KCNG2: variants seen among roughly 807,000 people sequenced by gnomAD.
The protein encoded by KCNG2 is potassium voltage-gated channel modifier subfamily G member 2.
In KCNG2, 7 loss-of-function variants were observed where a neutral mutation model predicts 12.3. The observed-to-expected ratio is 0.57, with a 90% CI of 0.32 to 1.07. The LOEUF (loss-of-function observed/expected upper bound fraction) is 1.07, where lower values mean the gene tolerates loss of function less well. Ranked by LOEUF, KCNG2 falls within the 50% of genes least tolerant of loss-of-function variation. The pLI, the probability that KCNG2 is intolerant of heterozygous loss-of-function variation, is 0.04. For synonymous variants in KCNG2, 414 were observed against 351.4 expected, an observed-to-expected ratio of 1.18 and a Z score of -1.99; for missense variants, 703 against 726.0, an observed-to-expected ratio of 0.97 and a Z score of 0.36.
chr18:79,801,678 A>C lies in KCNG2; in HGVS notation c.-115+3664A>C, dbSNP rs577916266. The stretch of plus-strand genomic sequence containing the variant: ...GCCCAGTGTAGCTTCAGAAACCTTC[A>C]GGCTGATCTGAATGTGGCAGCAGTT... On this transcript the variant is annotated intron_variant, in intron 1 of 3. Transcript: ENST00000316249. 1.0e-4 allele frequency among the ~76,000 whole-genome samples: 16 copies of C among 152,390 alleles called. No individual in the cohort carries two copies. The South Asian group carries it at 3.3e-3, about 32-fold the overall frequency.
chr18:79,850,538 C>T (rs1978781425), intron 1 of KCNG2, among the ~76,000 whole-genome samples: 1 of 152,202 alleles, frequency 6.6e-6, no homozygotes, highest in Non-Finnish European at 1.5e-5. Flanking sequence ...AGAGTGTTTT[C>T]TCATGACGTT....
rs112444116 is a variant in KCNG2 at position 79,884,045 on chromosome 18, G to C, written c.625-14995G>C. Among the ~76,000 whole-genome samples, 2 of 104,106 alleles carry C rather than the reference G, an allele frequency of 1.9e-5. No individual in the cohort carries two copies. Among genetic ancestry groups the C allele is most frequent in the Admixed American group, 1.1e-4 (1 of 9,378 alleles). The allele number at this position is 104,106 out of a possible 152,430, so 68.3% of individuals were successfully genotyped here. ...TCCTGACGTTTCTATCCCAACCCCC[G>C]CCCTGCCATCTTTTCTTCTCCCAGT... On this transcript the variant is annotated intron_variant, in intron 3 of 3. Transcript: ENST00000316249. This position sits in a 1 kb window ranked among gnomAD's most constrained non-coding sequence, Gnocchi z 5.5.
intron 1 of KCNG2, among the ~76,000 whole-genome samples, chr18:79,807,687 G>T (rs141249769): frequency 2.6e-5 from 4 of 152,192 alleles, no homozygotes; most frequent in Non-Finnish European, 5.9e-5. Context: ...CCTCAGCCTC[G>T]GCCCCAGAGT....
In KCNG2 at chr18:79,880,183, A is replaced by G. The variant is rs1980239208; in HGVS notation, c.624+15892A>G. On this transcript the variant is annotated intron_variant, in intron 3 of 3. Transcript: ENST00000316249. ...TCTACAAAGTCACCCAAAATGTGTA[A>G]CATTAATATGCCAATAAATGGCCAG... Among the ~76,000 whole-genome samples the G allele has an allele frequency of 1.3e-5, 2 of 152,114 alleles. 1 individual carries two copies. Among genetic ancestry groups the G allele is most frequent in the South Asian group, 4.1e-4 (2 of 4,824 alleles).
chr18:79,874,449 C>T (rs969322813), intron 3 of KCNG2, among the ~76,000 whole-genome samples: 4 of 152,224 alleles, frequency 2.6e-5, no homozygotes, highest in Admixed American at 6.5e-5. Flanking sequence ...ACACTTACTG[C>T]GCGTCAGTCA....
At chr18:79,874,119 G>T (rs1329611068) in intron 3 of KCNG2, among the ~76,000 whole-genome samples, 3 of 152,330 alleles carry the variant, frequency 2.0e-5, no homozygotes, top group Non-Finnish European at 4.4e-5. Context: ...CTCACATTCG[G>T]CCCTCACAGC....
Position 79,863,898 on chromosome 18 carries a change from C to T in KCNG2, c.231C>T (p.Ala77=), listed in dbSNP as rs147089723. ...DEFFFDRSPC[A]FRAIVALLRA... is the part of the protein sequence containing the mutation. ...TCTTCTTCGACCGCAGCCCGTGCGCCTTCCGCGCCATCGTGGCGCTTTTGC... is the reference window on the plus strand; with the variant it reads ...TCTTCTTCGACCGCAGCCCGTGCGCTTTCCGCGCCATCGTGGCGCTTTTGC... Residue 77 remains alanine, a synonymous_variant, in exon 3 of 4, where the codon GCC becomes GCT. Transcript: ENST00000316249. 2.6e-3 allele frequency: 3,812 copies of T among 1,447,632 alleles called. 96 individuals carry two copies. The African/African-American group carries it at 0.052, about 20-fold the overall frequency. 89.7% of individuals were successfully genotyped at this position (1,447,632 alleles called of 1,614,324 possible). A position where few individuals can be genotyped will look rare whatever the true frequency, so the allele number is the denominator to read the frequency against.
rs2087430360 is a variant in KCNG2, at chr18:79,803,972, C to T, written c.-115+5958C>T. 6.6e-6 allele frequency among the ~76,000 whole-genome samples: 1 copy of T among 152,214 alleles called. No individual in the cohort carries two copies. Among genetic ancestry groups the T allele is most frequent in the South Asian group, 2.1e-4 (1 of 4,828 alleles). On this transcript the variant is annotated intron_variant, in intron 1 of 3. Coordinates refer to ENST00000316249, the MANE Select transcript of KCNG2 (RefSeq NM_012283.2). This position sits in a 1 kb window ranked among gnomAD's most constrained non-coding sequence, Gnocchi z 4.5. ...TCAGGGAGCTCTAGCCTGCAGCAGG[C>T]CCGTCCTTTGCTGGTGGCAGATTAT...
intron 3 of KCNG2, among the ~76,000 whole-genome samples, chr18:79,895,335 T>C (rs1740117073): frequency 6.6e-6 from 1 of 152,162 alleles, no homozygotes; most frequent in African/African-American, 2.4e-5. Context: ...ATTCATATAG[T>C]TGAGTCTGTG....
At chr18:79,888,090 G>A (rs1380214225) in intron 3 of KCNG2, among the ~76,000 whole-genome samples, 1 of 152,236 alleles carries the variant, frequency 6.6e-6, no homozygotes, top group African/African-American at 2.4e-5. Context: ...TAAAATGCTA[G>A]GACAAAACCC....
intron 2 of KCNG2, among the ~76,000 whole-genome samples, chr18:79,862,410 T>C (rs1979255266): frequency 6.6e-6 from 1 of 152,348 alleles, no homozygotes; most frequent in South Asian, 2.1e-4. Flanking sequence ...ACGTCTGGAA[T>C]GAAAACTGAA....
intron 1 of KCNG2, among the ~76,000 whole-genome samples, chr18:79,847,473 G>T (rs897022289): frequency 9.9e-5 from 15 of 152,184 alleles, no homozygotes; most frequent in African/African-American, 2.7e-4. Flanking sequence ...CACGCTAAGC[G>T]ATCTTTACCC....
At chr18:79,843,570 T>C (rs1978529891) in intron 1 of KCNG2, among the ~76,000 whole-genome samples, 1 of 152,208 alleles carries the variant, frequency 6.6e-6, no homozygotes, top group Admixed American at 6.5e-5. Flanking sequence ...ATATATAATG[T>C]AAATTGTGAC....
At chr18:79,871,262 C>T (rs759686376) in intron 3 of KCNG2, among the ~76,000 whole-genome samples, 1 of 152,244 alleles carries the variant, frequency 6.6e-6, no homozygotes, top group Non-Finnish European at 1.5e-5. Flanking sequence ...CAGCGCAAAA[C>T]GTGCTTGCGT....
At chr18:79,887,922 C>T (rs561411895) in intron 3 of KCNG2, among the ~76,000 whole-genome samples, 16 of 152,174 alleles carry the variant, frequency 1.1e-4, no homozygotes, top group Admixed American at 6.5e-4. Flanking sequence ...CAGAGGGAGG[C>T]GAATGGGGAG....
chr18:79,892,943 C>A (rs1453508386), intron 3 of KCNG2, among the ~76,000 whole-genome samples: 2 of 149,656 alleles, frequency 1.3e-5, no homozygotes, highest in Non-Finnish European at 3.0e-5. Context: ...GTTGTTCACT[C>A]CATTCACATC....
intron 3 of KCNG2, among the ~76,000 whole-genome samples, chr18:79,866,736 ACTGTGGTCTG>A (rs1979584221): frequency 2.2e-5 from 1 of 44,894 alleles, no homozygotes; most frequent in African/African-American, 7.0e-5. Flanking sequence ...AGGTCTGGGT[ACTGTGGTCTG>A]GGTGCTGAGG....
chr18:79,872,974 T>C (rs1483771156), intron 3 of KCNG2, among the ~76,000 whole-genome samples: 1 of 152,122 alleles, frequency 6.6e-6, no homozygotes, highest in East Asian at 1.9e-4. Flanking sequence ...CGGCGTGTGC[T>C]GTCCTCCTCT....
chr18:79,893,637 G>T (rs1238844565), intron 3 of KCNG2, among the ~76,000 whole-genome samples: 2 of 151,156 alleles, frequency 1.3e-5, no homozygotes, highest in Non-Finnish European at 2.9e-5. Context: ...TTATTGGGTT[G>T]TTCACTCCAT....
Sources: gnomAD v4.1 joint callset for allele counts (sites outside exome capture counted in the v4.1 genomes callset) on GRCh38, gnomAD v4.1.1 for gene constraint, Gnocchi (gnomAD v3.1) non-coding constraint, MANE v1.5 for transcripts, NCBI Gene and HGNC (gene_info 2026-07-23, HGNC 2026-07-21) for gene names.